The following PLCG1 variants were observed in gnomAD, a reference collection of about 807,000 sequenced individuals.
PLCG1 encodes the protein 1-phosphatidylinositol 4,5-bisphosphate phosphodiesterase gamma-1.
PLCG1 carries 71 observed loss-of-function variants against 177.8 expected under a neutral mutation model. The observed-to-expected ratio is 0.40, with a 90% confidence interval of 0.33 to 0.49. The LOEUF is 0.49. PLCG1 is among the 20% of genes least tolerant of loss of function. The pLI is 0.72. For synonymous variants in PLCG1, 658 were observed against 647.9 expected (o/e 1.02, Z -0.24); for missense variants, 1,281 against 1,709.0 (o/e 0.75, Z 4.42).
chr20:41,168,759 C>G lies in PLCG1; in HGVS notation c.2380-8C>G. 1.3e-6 allele frequency: 2 copies of G among 1,573,684 alleles called. No individual in the cohort carries two copies. Among genetic ancestry groups the G allele is most frequent in the Non-Finnish European group, 1.7e-6 (2 of 1,145,154 alleles). On this transcript the variant is annotated splice_region_variant and splice_polypyrimidine_tract_variant and intron_variant, in intron 20 of 31. Coordinates refer to ENST00000685551, the MANE Select transcript of PLCG1 (RefSeq NM_002660.3). Reference sequence around the variant, plus strand: ...TTCTGCTCTGACTGGTGCTTCTCACCTCTGCAGTGTGCAGTCAAAGCCCTC... The same window carrying G: ...TTCTGCTCTGACTGGTGCTTCTCACGTCTGCAGTGTGCAGTCAAAGCCCTC...
In PLCG1 at chr20:41,166,757, C is replaced by T. The variant is rs1600667183; in HGVS notation, c.2199C>T (p.Ser733=). The T allele has an allele frequency of 6.2e-7, 1 of 1,613,962 alleles. No homozygotes were observed. Among genetic ancestry groups the T allele is most frequent in the Non-Finnish European group, 8.5e-7 (1 of 1,179,844 alleles). Residue 733 remains serine, a synonymous_variant, in exon 19 of 32, where the codon AGC becomes AGT. Coordinates refer to ENST00000685551, the MANE Select transcript of PLCG1 (RefSeq NM_002660.3). The surrounding 1 kb of genome is among the most constrained non-coding windows in gnomAD (Gnocchi z 8.6). ...TGCTAGGGAACTCGGAGTTCGACAG[C>T]CTTGTTGACCTCATCAGCTACTATG... The part of the protein sequence containing the change: ...TVMLGNSEFD[S]LVDLISYYEK...
Position 41,147,372 on chromosome 20 carries a change from A to G in PLCG1, c.217+9514A>G, listed in dbSNP as rs35261016. Among the ~76,000 whole-genome samples the G allele has an allele frequency of 3.9e-5, 6 of 152,364 alleles. No homozygotes were observed. Among genetic ancestry groups the G allele is most frequent in the Non-Finnish European group, 8.8e-5 (6 of 68,030 alleles). On this transcript the variant is annotated intron_variant, in intron 1 of 31. Coordinates refer to ENST00000685551, the MANE Select transcript of PLCG1 (RefSeq NM_002660.3). This position sits in a 1 kb window ranked among gnomAD's most constrained non-coding sequence, Gnocchi z 4.0. Reference sequence around the variant, plus strand: ...CTGTTGCCAGACTGATCACAAGAGGATGGCCTGGTTCTGGCCTGAGAACTG... The same window carrying G: ...CTGTTGCCAGACTGATCACAAGAGGGTGGCCTGGTTCTGGCCTGAGAACTG...
chr20:41,143,847 T>A (rs1452949777), intron 1 of PLCG1, among the ~76,000 whole-genome samples: 1 of 152,156 alleles, frequency 6.6e-6, no homozygotes, highest in Non-Finnish European at 1.5e-5. Flanking sequence ...AGTAAGAGAT[T>A]TTATGTGAAA....
chr20:41,174,044 A>G lies in PLCG1; in HGVS notation c.3645+33A>G, dbSNP rs2035985520. On this transcript the variant is annotated intron_variant, in intron 30 of 31. Coordinates refer to ENST00000685551, the MANE Select transcript of PLCG1 (RefSeq NM_002660.3). This position sits in a 1 kb window ranked among gnomAD's most constrained non-coding sequence, Gnocchi z 5.8. ...CAGCAGGGGTGGGCTGGCCTGGGGT[A>G]GGTGGGAGGAGAGCCAGGCAGCAGC... 1 of 1,604,952 alleles carries G rather than the reference A, an allele frequency of 6.2e-7. No individual in the cohort carries two copies. Among genetic ancestry groups the G allele is most frequent in the African/African-American group, 1.3e-5 (1 of 74,730 alleles).
rs745966050 is a variant in PLCG1, at chr20:41,137,818, G to T, written c.177G>T (p.Gln59His). 1.3e-5 allele frequency: 17 copies of T among 1,300,090 alleles called. No individual in the cohort carries two copies. Among genetic ancestry groups the T allele is most frequent in the Non-Finnish European group, 1.7e-5 (17 of 1,016,676 alleles). The allele number at this position is 1,300,090 out of a possible 1,614,324, so 80.5% of individuals were successfully genotyped here. ...KTFQVKLETRQITWSRGADKI... is the reference protein window; with the variant it reads ...KTFQVKLETRHITWSRGADKI... ...TCCAGGTCAAGCTGGAGACGCGCCA[G>T]ATCACGTGGAGCCGGGGCGCCGACA... Residue 59 changes from glutamine to histidine, a missense_variant, in exon 1 of 32, where the codon CAG becomes CAT. Gln to His is a conservative substitution (Grantham distance 24). This residue lies in a region of PLCG1 where 374 missense variants were observed against 443.8 expected (regional missense o/e 0.84). Transcript: ENST00000685551. This position sits in a 1 kb window ranked among gnomAD's most constrained non-coding sequence, Gnocchi z 7.3.
In PLCG1 at chr20:41,165,417, C is replaced by G. The variant is rs1259416869; in HGVS notation, c.1510-33C>G. 33 of 1,613,738 alleles carry G rather than the reference C, an allele frequency of 2.0e-5. No homozygotes were observed. The highest frequency in any genetic ancestry group is 2.6e-5 in the Non-Finnish European group (31 of 1,179,772). On this transcript the variant is annotated intron_variant, in intron 14 of 31. Transcript: ENST00000685551. This position sits in a 1 kb window ranked among gnomAD's most constrained non-coding sequence, Gnocchi z 6.6. Reference sequence around the variant, plus strand: ...TGGTAGGCCAGTGGGTGTGAGGACCCTGGCTCACAAGTCCCTCTTTGGTCT... The same window carrying G: ...TGGTAGGCCAGTGGGTGTGAGGACCGTGGCTCACAAGTCCCTCTTTGGTCT...
chr20:41,158,257 G>A (rs1041206311), intron 1 of PLCG1, among the ~76,000 whole-genome samples: 9 of 152,148 alleles, frequency 5.9e-5, no homozygotes, highest in African/African-American at 1.9e-4. Flanking sequence ...TGCAGTTCGG[G>A]CTGGAAGGGC....
rs530390615 is a variant in PLCG1 at position 41,169,166 on chromosome 20, G to C, written c.2571G>C (p.Pro857=). 1.2e-6 allele frequency: 2 copies of C among 1,609,616 alleles called. No individual in the cohort carries two copies. The highest frequency in any genetic ancestry group is 1.7e-6 in the Non-Finnish European group (2 of 1,175,882). The change falls in exon 22 of 32, where the codon CCG becomes CCC. Residue 857 remains proline, a synonymous_variant. Coordinates refer to ENST00000685551, the MANE Select transcript of PLCG1 (RefSeq NM_002660.3). ...EEMVNPVALE[P]EREHLDENSP... is the part of the protein sequence containing the mutation. ...TGGTCAACCCCGTGGCCCTGGAGCC[G>C]GAGAGGGAGGTAAGACCAGAACCAC...
intron 4 of PLCG1, 49 bp from the exon 5 acceptor site, chr20:41,162,403 G>C (rs780724880): frequency 6.9e-7 from 1 of 1,452,288 alleles, no homozygotes; most frequent in Non-Finnish European, 9.7e-7. Context: ...ACAGGTCAGA[G>C]GTCATGAGAA....
Position 41,166,396 on chromosome 20 carries a change from T to A in PLCG1, c.2000+2T>A. 1 of 1,612,744 alleles carries A rather than the reference T, an allele frequency of 6.2e-7. No homozygotes were observed. The highest frequency in any genetic ancestry group is 8.5e-7 in the Non-Finnish European group (1 of 1,179,722). ...GACCAACGCCCACGAGAGCAAAGAG[T>A]GAGGGAAGGGCCTGGGGGCGGACAA... is the stretch of plus-strand genomic sequence containing the variant. On this transcript the variant is annotated splice_donor_variant, in intron 17 of 31. Transcript: ENST00000685551. LOFTEE classifies it high-confidence loss of function. This position sits in a 1 kb window ranked among gnomAD's most constrained non-coding sequence, Gnocchi z 8.6.
intron 24 of PLCG1, among the ~76,000 whole-genome samples, chr20:41,171,931 G>A (rs1426349708): frequency 6.6e-6 from 1 of 152,232 alleles, no homozygotes; most frequent in Non-Finnish European, 1.5e-5. Flanking sequence ...TGGTGATGAG[G>A]AGTCTGTATC....
rs2035411177 is a variant in PLCG1 at position 41,159,082 on chromosome 20, G to T, written c.218-524G>T. Among the ~76,000 whole-genome samples the T allele has an allele frequency of 6.6e-6, 1 of 152,164 alleles. No homozygotes were observed. The highest frequency in any genetic ancestry group is 2.1e-4 in the South Asian group (1 of 4,832). Reference sequence around the variant, plus strand: ...GTGCCTTGGTCAGGGGATGGGGTGGGGATTAGGCCCCTTGCTGAGACTTGT... The same window carrying T: ...GTGCCTTGGTCAGGGGATGGGGTGGTGATTAGGCCCCTTGCTGAGACTTGT... On this transcript the variant is annotated intron_variant, in intron 1 of 31. Coordinates refer to ENST00000685551, the MANE Select transcript of PLCG1 (RefSeq NM_002660.3). The surrounding 1 kb of genome is among the most constrained non-coding windows in gnomAD (Gnocchi z 6.0).
Position 41,159,892 on chromosome 20 carries a change from C to G in PLCG1, c.393C>G (p.Asn131Lys). The G allele has an allele frequency of 6.2e-7, 1 of 1,614,104 alleles. No homozygotes were observed. The highest frequency in any genetic ancestry group is 8.5e-7 in the Non-Finnish European group (1 of 1,179,966). The stretch of plus-strand genomic sequence containing the variant: ...CAGCCACATCTGAGGATGAAGTGAA[C>G]ATGTGGATCAAGGGCTTAACTTGGC... ...SLQATSEDEV[N>K]MWIKGLTWLM... is the part of the protein sequence containing the mutation. The change falls in exon 3 of 32, where the codon AAC (asparagine) becomes AAG (lysine). Residue 131 changes from asparagine (N) to lysine (K), a missense_variant. Around this residue, in one of 4 missense-constraint regions of PLCG1, gnomAD observed 374 missense variants for 443.8 expected, o/e 0.84. Transcript: ENST00000685551. This position sits in a 1 kb window ranked among gnomAD's most constrained non-coding sequence, Gnocchi z 6.0.
At position 41,172,343 on chromosome 20, in the gene PLCG1, G is replaced by A. The variant is rs1724944193; in HGVS notation, c.2905+54G>A. On this transcript the variant is annotated intron_variant, in intron 25 of 31. Coordinates refer to ENST00000685551, the MANE Select transcript of PLCG1 (RefSeq NM_002660.3). This position sits in a 1 kb window ranked among gnomAD's most constrained non-coding sequence, Gnocchi z 7.0. ...CATGTGCCTGGAGGGCCTGGTGGGT[G>A]CAAAAAGAGTATTTAGGTATCCCCC... 1.3e-6 allele frequency: 2 copies of A among 1,576,260 alleles called. No individual in the cohort carries two copies. Among genetic ancestry groups the A allele is most frequent in the East Asian group, 2.2e-5 (1 of 44,714 alleles).
chr20:41,163,644 C>G lies in PLCG1; in HGVS notation c.892-71C>G. On this transcript the variant is annotated intron_variant, in intron 9 of 31. Transcript: ENST00000685551. This position sits in a 1 kb window ranked among gnomAD's most constrained non-coding sequence, Gnocchi z 5.2. Reference sequence around the variant, plus strand: ...GGGACAGAGCACTCTCTCTCCTACCCCCAACCTACCATCTTGGGTTGGACA... The same window carrying G: ...GGGACAGAGCACTCTCTCTCCTACCGCCAACCTACCATCTTGGGTTGGACA... 8.4e-7 allele frequency: 1 copy of G among 1,184,724 alleles called. No individual in the cohort carries two copies. The highest frequency in any genetic ancestry group is 1.2e-5 in the South Asian group (1 of 80,800). The allele number at this position is 1,184,724 out of a possible 1,614,324, so 73.4% of individuals were successfully genotyped here.
In PLCG1 at chr20:41,167,826, C is replaced by G; in HGVS notation, c.2302-26C>G. 6.5e-7 allele frequency: 1 copy of G among 1,534,936 alleles called. No homozygotes were observed. The highest frequency in any genetic ancestry group is 9.0e-7 in the Non-Finnish European group (1 of 1,108,040). ...CTACCTCTGGGCTCTGGGGCATTAA[C>G]ATATCCCATTGTGTCCTGTTTCCAG... On this transcript the variant is annotated intron_variant, in intron 19 of 31. Coordinates refer to ENST00000685551, the MANE Select transcript of PLCG1 (RefSeq NM_002660.3). The surrounding 1 kb of genome is among the most constrained non-coding windows in gnomAD (Gnocchi z 4.4).
Position 41,165,833 on chromosome 20 carries a change from C to T in PLCG1, c.1799+7C>T. On this transcript the variant is annotated splice_region_variant and intron_variant, in intron 16 of 31. Coordinates refer to ENST00000685551, the MANE Select transcript of PLCG1 (RefSeq NM_002660.3). The surrounding 1 kb of genome is among the most constrained non-coding windows in gnomAD (Gnocchi z 6.6). ...ACTACACGCTCTCTTTCTGGTAACA[C>T]TTCCCATGCAGATGCGTATGTTCAG... 1.3e-6 allele frequency: 2 copies of T among 1,569,674 alleles called. No individual in the cohort carries two copies. The highest frequency in any genetic ancestry group is 1.2e-5 in the South Asian group (1 of 86,084).
chr20:41,173,757 T>C lies in PLCG1; in HGVS notation c.3500T>C (p.Phe1167Ser), dbSNP rs2035976162. The C allele has an allele frequency of 6.2e-7, 1 of 1,614,064 alleles. No individual in the cohort carries two copies. The highest frequency in any genetic ancestry group is 1.7e-5 in the Admixed American group (1 of 60,004). Residue 1167 changes from phenylalanine (F) to serine (S), a missense_variant, in exon 29 of 32, where the codon TTT (phenylalanine) becomes TCT (serine). This residue lies in a region of PLCG1 where 723 missense variants were observed against 1,030.0 expected (regional missense o/e 0.70). Transcript: ENST00000685551. This position sits in a 1 kb window ranked among gnomAD's most constrained non-coding sequence, Gnocchi z 6.2. ...LRFVVYEEDM[F>S]SDQNFLAQAT... ...TTCGTGGTGTATGAGGAAGACATGTTTAGTGACCAGAATTTCCTGGCTCAG... is the reference window on the plus strand; with the variant it reads ...TTCGTGGTGTATGAGGAAGACATGTCTAGTGACCAGAATTTCCTGGCTCAG...
intron 6 of PLCG1, 100 bp from the exon 7 acceptor site, chr20:41,162,858 A>G: frequency 7.4e-7 from 1 of 1,346,690 alleles, no homozygotes; most frequent in Non-Finnish European, 1.1e-6. Flanking sequence ...TCTCCTCTTG[A>G]GGCCTGCCCC....
Sources: allele counts gnomAD v4.1 joint callset (sites outside exome capture counted in the v4.1 genomes callset), GRCh38; gene constraint gnomAD v4.1.1; regional missense constraint gnomAD v4.1.1; non-coding constraint Gnocchi (gnomAD v3.1); transcripts MANE v1.5; gene names NCBI Gene and HGNC (gene_info 2026-07-23, HGNC 2026-07-21).